Variants in SLC10A7 observed in about 807,000 individuals in gnomAD.
The protein encoded by SLC10A7 is solute carrier family 10 member 7.
In SLC10A7, 29 loss-of-function variants were observed where a neutral mutation model predicts 43.2. The ratio of observed to expected loss-of-function variants is 0.67; its 90% CI spans 0.50 to 0.92. The LOEUF is 0.92. Among genes scored for constraint, SLC10A7 ranks in the 40% least tolerant of loss-of-function variants. The probability of loss-of-function intolerance (pLI) is 0.00; values close to 1 mark genes in which losing one functional copy is unlikely to be tolerated. For synonymous variants in SLC10A7, 152 were observed against 144.8 expected, an observed-to-expected ratio of 1.05 and a Z score of -0.35; for missense variants, 295 against 403.2, an observed-to-expected ratio of 0.73 and a Z score of 2.30.
intron 5 of SLC10A7, among the ~76,000 whole-genome samples, chr4:146,376,705 A>G (rs556977662): frequency 7.8e-4 from 118 of 151,084 alleles, no homozygotes; most frequent in African/African-American, 2.8e-3. Context: ...ACATAAATTC[A>G]ATTTCTTCAG....
intron 4 of SLC10A7, among the ~76,000 whole-genome samples, chr4:146,468,456 T>TTCTAACTTATATTTTAATTTTTCC (rs1733246981): frequency 6.8e-6 from 1 of 147,560 alleles, no homozygotes; most frequent in Non-Finnish European, 1.5e-5. Context: ...TATTTATTTA[T>TTCTAACTTATATTTTAATTTTTCC]TCTAACTTAT....
chr4:146,448,790 G>T (rs1463252994), intron 4 of SLC10A7, among the ~76,000 whole-genome samples: 1 of 152,128 alleles, frequency 6.6e-6, no homozygotes, highest in East Asian at 1.9e-4. Context: ...CTTGGGAGAA[G>T]AATCCTGCAT....
intron 9 of SLC10A7, among the ~76,000 whole-genome samples, chr4:146,290,408 G>A (rs1322264517): frequency 6.6e-6 from 1 of 150,518 alleles, no homozygotes; most frequent in African/African-American, 2.4e-5. Context: ...CTATGTGAGA[G>A]TTAATTTAGG....
intron 5 of SLC10A7, among the ~76,000 whole-genome samples, chr4:146,433,551 T>C (rs895507376): frequency 1.3e-5 from 2 of 152,046 alleles, no homozygotes; most frequent in Non-Finnish European, 2.9e-5. Flanking sequence ...GAAATAAATA[T>C]TTCTATATAC....
chr4:146,500,323 T>A (rs1216489093), intron 4 of SLC10A7, among the ~76,000 whole-genome samples: 1 of 152,138 alleles, frequency 6.6e-6, no homozygotes, highest in East Asian at 1.9e-4. Flanking sequence ...CTCATCTAGA[T>A]GGCAATTGCA....
chr4:146,397,789 C>T (rs943507927), intron 5 of SLC10A7, among the ~76,000 whole-genome samples: 1 of 152,094 alleles, frequency 6.6e-6, no homozygotes, highest in Admixed American at 6.6e-5. Context: ...GTAAATTTAA[C>T]GTGGCTTCAA....
intron 5 of SLC10A7, 135 bp downstream of exon 5, chr4:146,442,648 T>C (rs1220511263): frequency 4.9e-5 from 74 of 1,501,984 alleles, no homozygotes; most frequent in East Asian, 7.6e-5. Context: ...AGGGTATGGA[T>C]ACTGGCACAT....
chr4:146,371,199 T>G (rs577966925), intron 5 of SLC10A7, among the ~76,000 whole-genome samples: 56 of 152,276 alleles, frequency 3.7e-4, no homozygotes, highest in Middle Eastern at 3.4e-3. Context: ...CTAGATAGAT[T>G]AGGGTTCAAA....
intron 7 of SLC10A7, among the ~76,000 whole-genome samples, chr4:146,304,466 T>C (rs1048492263): frequency 1.2e-4 from 19 of 152,140 alleles, no homozygotes; most frequent in African/African-American, 4.1e-4. Context: ...TTCTCGTTGG[T>C]TTCAAAGAAC....
chr4:146,261,024 T>C (rs970345638), intron 10 of SLC10A7, among the ~76,000 whole-genome samples: 7 of 152,188 alleles, frequency 4.6e-5, no homozygotes, highest in African/African-American at 9.6e-5. Flanking sequence ...GGACAAATGA[T>C]CTCTCCCTTC....
At chr4:146,373,357 C>T (rs1486818863) in intron 5 of SLC10A7, among the ~76,000 whole-genome samples, 1 of 151,798 alleles carries the variant, frequency 6.6e-6, no homozygotes, top group East Asian at 1.9e-4. Flanking sequence ...ACCTGTAGTC[C>T]CAGCTACTCA....
intron 5 of SLC10A7, among the ~76,000 whole-genome samples, chr4:146,404,193 A>C (rs1739412237): frequency 6.6e-6 from 1 of 151,838 alleles, no homozygotes; most frequent in Admixed American, 6.6e-5. Context: ...TTTGTTTTTA[A>C]TTTTTTTGTA....
chr4:146,292,040 C>A (rs537351758), intron 9 of SLC10A7, among the ~76,000 whole-genome samples: 37 of 152,278 alleles, frequency 2.4e-4, no homozygotes, highest in African/African-American at 7.9e-4. Flanking sequence ...ATGGGGACTG[C>A]CTAAGCAAGG....
In SLC10A7 at chr4:146,454,420, C is replaced by CA. The variant is rs564597445; in HGVS notation, c.397-11600dup. The stretch of plus-strand genomic sequence containing the variant: ...CTCCAGACAGGCAAAGGATCTTTTC[C>CA]AAGGTCATACTGGACAGCAGTAAAG... On this transcript the variant is annotated intron_variant, in intron 4 of 11. Coordinates refer to ENST00000335472, the MANE Select transcript of SLC10A7 (RefSeq NM_001029998.6). Among the ~76,000 whole-genome samples the CA allele has an allele frequency of 3.1e-3, 468 of 151,846 alleles. 2 individuals carry two copies. Among genetic ancestry groups the CA allele is most frequent in the African/African-American group, 0.011 (436 of 41,470 alleles).
At chr4:146,324,053 C>T (rs1015426032) in intron 6 of SLC10A7, among the ~76,000 whole-genome samples, 5 of 151,998 alleles carry the variant, frequency 3.3e-5, no homozygotes, top group East Asian at 1.9e-4. Context: ...AGCCAAATCA[C>T]GAGTGAACTC....
At chr4:146,305,173 C>T (rs968285764) in intron 7 of SLC10A7, among the ~76,000 whole-genome samples, 4 of 150,220 alleles carry the variant, frequency 2.7e-5, no homozygotes, top group African/African-American at 9.9e-5. Context: ...TTGGAACCAA[C>T]CCAAATGTCC....
chr4:146,287,079 T>TCTGGAGTGGTGAGAAGGACC (rs1730060910), intron 9 of SLC10A7, among the ~76,000 whole-genome samples: 1 of 106,750 alleles, frequency 9.4e-6, no homozygotes, highest in African/African-American at 3.5e-5. Flanking sequence ...TGAGAAGGAC[T>TCTGGAGTGGTGAGAAGGACC]GTGTTTCGAG....
chr4:146,293,876 C>T (rs994080374), intron 8 of SLC10A7, 54 bp downstream of exon 8: 20 of 1,299,280 alleles, frequency 1.5e-5, no homozygotes, highest in African/African-American at 4.4e-5. Context: ...CAGTGCTACG[C>T]GTTGCTATTG....
chr4:146,521,884 C>A lies in SLC10A7; in HGVS notation c.-167G>T, dbSNP rs1043122509. ...AGTAAAGACCTGGGGGTTGCTCCGG[C>A]GGCTTTGAGGAGGGTTGGGAGTAGT... On this transcript the variant is annotated 5_prime_UTR_variant, in exon 1 of 12. Coordinates refer to ENST00000335472, the MANE Select transcript of SLC10A7 (RefSeq NM_001029998.6). 3.3e-6 allele frequency: 2 copies of A among 601,042 alleles called. No individual in the cohort carries two copies. Among genetic ancestry groups the A allele is most frequent in the Non-Finnish European group, 5.9e-6 (2 of 341,678 alleles). 37.2% of individuals were successfully genotyped at this position (601,042 alleles called of 1,614,324 possible). A position where few individuals can be genotyped will look rare whatever the true frequency, so the allele number is the denominator to read the frequency against.
Sources: gnomAD v4.1 joint callset for allele counts (sites outside exome capture counted in the v4.1 genomes callset) on GRCh38, gnomAD v4.1.1 for gene constraint, MANE v1.5 for transcripts, NCBI Gene and HGNC (gene_info 2026-07-23, HGNC 2026-07-21) for gene names.